GPBP1L1: variants seen among roughly 807,000 people sequenced by gnomAD.
GPBP1L1 encodes vasculin-like protein 1.
In GPBP1L1, 23 loss-of-function variants were observed where a neutral mutation model predicts 52.5. That is an observed-to-expected ratio of 0.44 (90% CI 0.32 to 0.62). GPBP1L1 has a LOEUF of 0.62. Ranked by LOEUF, GPBP1L1 falls within the 20% of genes least tolerant of loss-of-function variation. GPBP1L1 has a pLI of 0.06. For synonymous variants in GPBP1L1, 243 were observed against 203.1 expected, an observed-to-expected ratio of 1.20 and a Z score of -1.67; for missense variants, 596 against 579.3, an observed-to-expected ratio of 1.03 and a Z score of -0.30.
chr1:45,651,991 T>C (rs1468333333), intron 6 of GPBP1L1, among the ~76,000 whole-genome samples: 2 of 152,230 alleles, frequency 1.3e-5, no homozygotes, highest in Non-Finnish European at 1.5e-5. Context: ...ATTCACACAA[T>C]ATAATATTTG....
intron 7 of GPBP1L1, among the ~76,000 whole-genome samples, chr1:45,640,900 C>A (rs927915155): frequency 5.9e-5 from 9 of 152,120 alleles, no homozygotes; most frequent in African/African-American, 2.2e-4. Context: ...CACCTGTGGT[C>A]CCAGCTACTT....
At chr1:45,687,303 T>C (rs1488929306), upstream of GPBP1L1, 1 of 152,318 alleles carries the variant, frequency 6.6e-6, no homozygotes, top group Non-Finnish European at 1.5e-5. Context: ...GGGGCGGCGC[T>C]GCCATGACAG....
At chr1:45,634,035 T>C in intron 9 of GPBP1L1, 61 bp downstream of exon 9, 3 of 1,495,188 alleles carry the variant, frequency 2.0e-6, no homozygotes, top group East Asian at 2.3e-5. Context: ...TTACACTTGT[T>C]ATCTAAGTGA....
At chr1:45,634,645 T>C (rs1644571935) in intron 8 of GPBP1L1, 1 of 155,250 alleles carries the variant, frequency 6.4e-6, no homozygotes, top group Admixed American at 6.4e-5. Flanking sequence ...TAGTGTTTGT[T>C]AACTTTGGAT....
At chr1:45,642,059 G>A (rs922131166) in intron 7 of GPBP1L1, among the ~76,000 whole-genome samples, 1 of 151,778 alleles carries the variant, frequency 6.6e-6, no homozygotes, top group African/African-American at 2.4e-5. Flanking sequence ...TGTAGTCCCA[G>A]CTAGGGAGGT....
chr1:45,680,235 C>T lies in GPBP1L1; in HGVS notation c.-1098+5341G>A, dbSNP rs901969362. Among the ~76,000 whole-genome samples, 42 of 130,136 alleles carry T rather than the reference C, an allele frequency of 3.2e-4. No homozygotes were observed. In the East Asian group the frequency reaches 7.3e-3, roughly 23 times the overall value. 85.4% of individuals were successfully genotyped at this position (130,136 alleles called of 152,430 possible). A position where few individuals can be genotyped will look rare whatever the true frequency, so the allele number is the denominator to read the frequency against. ...GTAGTGACTAACAGATTGAGACACG[C>T]TTTTTTTTTTTTTTTTTTCTTGAGA... On this transcript the variant is annotated intron_variant, in intron 2 of 12. Transcript: ENST00000355105.
intron 2 of GPBP1L1, among the ~76,000 whole-genome samples, chr1:45,684,201 T>C (rs773877651): frequency 8.1e-5 from 10 of 123,384 alleles, no homozygotes; most frequent in Admixed American, 2.2e-4. Flanking sequence ...GAGGTTGCAG[T>C]GAACAGAAAT....
intron 6 of GPBP1L1, among the ~76,000 whole-genome samples, chr1:45,643,657 GCTT>G (rs1644703008): frequency 1.6e-5 from 2 of 123,562 alleles, no homozygotes; most frequent in East Asian, 5.3e-4. Flanking sequence ...TAGGAGAATG[GCTT>G]TTTTTTTTTT....
intron 6 of GPBP1L1, among the ~76,000 whole-genome samples, chr1:45,650,001 C>G (rs1644801636): frequency 1.3e-5 from 2 of 152,232 alleles, no homozygotes; most frequent in South Asian, 4.2e-4. Flanking sequence ...ATTTCTTTTT[C>G]TTGCCTTATT....
At chr1:45,687,370 A>G (rs1175370739), upstream of GPBP1L1, 1 of 152,306 alleles carries the variant, frequency 6.6e-6, no homozygotes, top group East Asian at 1.9e-4. Flanking sequence ...ATTAAGGAAG[A>G]CTTCGCTGTG....
At chr1:45,665,743 TAAAA>T (rs949281797) in intron 2 of GPBP1L1, among the ~76,000 whole-genome samples, 1,855 of 109,658 alleles carry the variant, frequency 0.017, 18 homozygotes, top group Non-Finnish European at 0.023. Flanking sequence ...GACGCCGTCT[TAAAA>T]AAAAAAAAAA....
At chr1:45,657,490 C>T (rs1268608161) in intron 4 of GPBP1L1, among the ~76,000 whole-genome samples, 3 of 152,084 alleles carry the variant, frequency 2.0e-5, no homozygotes, top group Non-Finnish European at 4.4e-5. Context: ...AAGCCATGAT[C>T]GCACCACTGC....
intron 6 of GPBP1L1, chr1:45,645,832 A>G (rs563321701): frequency 2.0e-5 from 10 of 489,094 alleles, no homozygotes; most frequent in African/African-American, 1.8e-4. Context: ...ACAAAATCCA[A>G]GGATTTTCCC....
At chr1:45,665,233 G>A (rs1405921145) in intron 2 of GPBP1L1, among the ~76,000 whole-genome samples, 2 of 151,832 alleles carry the variant, frequency 1.3e-5, no homozygotes, top group African/African-American at 2.4e-5. Flanking sequence ...GAAGTGAGCC[G>A]AGATCACGCC....
At chr1:45,658,921 G>A (rs971707720) in intron 4 of GPBP1L1, 107 bp downstream of exon 4, 25 of 776,872 alleles carry the variant, frequency 3.2e-5, no homozygotes, top group Non-Finnish European at 5.1e-5. Flanking sequence ...CATCCTGGGT[G>A]ACAGAGGGAG....
intron 11 of GPBP1L1, among the ~76,000 whole-genome samples, chr1:45,630,110 C>T (rs772056896): frequency 2.6e-5 from 4 of 152,124 alleles, no homozygotes; most frequent in Non-Finnish European, 5.9e-5. Flanking sequence ...ACTACCATGC[C>T]CAGCTACTTT....
At chr1:45,628,720 A>G (rs779550714) in intron 12 of GPBP1L1, among the ~76,000 whole-genome samples, 21 of 152,128 alleles carry the variant, frequency 1.4e-4, no homozygotes, top group Non-Finnish European at 2.6e-4. Context: ...CTAGAGTGCA[A>G]TGGCACAATC....
chr1:45,672,257 G>T (rs1003475832), intron 2 of GPBP1L1, among the ~76,000 whole-genome samples: 3 of 151,834 alleles, frequency 2.0e-5, no homozygotes, highest in African/African-American at 7.3e-5. Context: ...AACTACTCGG[G>T]AGGCTGAGGC....
At chr1:45,670,509 T>C (rs1645061196) in intron 2 of GPBP1L1, among the ~76,000 whole-genome samples, 1 of 152,100 alleles carries the variant, frequency 6.6e-6, no homozygotes, top group Non-Finnish European at 1.5e-5. Flanking sequence ...TTGTAACAGT[T>C]CTTCTCCAAG....
Sources: allele counts gnomAD v4.1 joint callset (sites outside exome capture counted in the v4.1 genomes callset), GRCh38; gene constraint gnomAD v4.1.1; transcripts MANE v1.5; gene names NCBI Gene and HGNC (gene_info 2026-07-23, HGNC 2026-07-21).